Variants in NCAPD3 observed in about 807,000 individuals in gnomAD.
NCAPD3 encodes the protein condensin-2 complex subunit D3.
NCAPD3 carries 105 observed loss-of-function variants against 182.9 expected under a neutral mutation model. The ratio of observed to expected loss-of-function variants is 0.57; its 90% CI spans 0.49 to 0.68. NCAPD3 has a LOEUF of 0.68. Ranked by LOEUF, NCAPD3 falls within the 30% of genes least tolerant of loss-of-function variation. The probability of loss-of-function intolerance (pLI) is 0.00; values close to 1 mark genes in which losing one functional copy is unlikely to be tolerated. For synonymous variants in NCAPD3, 815 were observed against 679.9 expected (o/e 1.20, Z -3.09); for missense variants, 1,944 against 1,837.0 (o/e 1.06, Z -1.07).
In NCAPD3 at chr11:134,181,224, A is replaced by T. The variant is rs201894211; in HGVS notation, c.2452-40T>A. Reference sequence around the variant, plus strand: ...AAGTCATCTCTGAAGGGCCCCGCACATCTCCCAGACTACCCATGAAACACC... The same window carrying T: ...AAGTCATCTCTGAAGGGCCCCGCACTTCTCCCAGACTACCCATGAAACACC... On this transcript the variant is annotated intron_variant, in intron 19 of 34. Transcript: ENST00000534548. The T allele has an allele frequency of 3.8e-5, 52 of 1,354,634 alleles. No homozygotes were observed. The African/African-American group carries it at 7.3e-4, about 19-fold the overall frequency. 83.9% of individuals were successfully genotyped at this position (1,354,634 alleles called of 1,614,324 possible). A position where few individuals can be genotyped will look rare whatever the true frequency, so the allele number is the denominator to read the frequency against.
At chr11:134,184,094 C>G (rs777944937) in intron 19 of NCAPD3, among the ~76,000 whole-genome samples, 1 of 152,300 alleles carries the variant, frequency 6.6e-6, no homozygotes, top group Middle Eastern at 3.4e-3. Flanking sequence ...CTCTCTGCCT[C>G]CCATAAATCA....
chr11:134,222,767 C>T (rs1414799861), intron 1 of NCAPD3, among the ~76,000 whole-genome samples: 2 of 152,120 alleles, frequency 1.3e-5, no homozygotes, highest in African/African-American at 4.8e-5. Context: ...AAAAGTGCCT[C>T]CCAGCAAGCA....
At chr11:134,188,372 C>T (rs183785027) in intron 16 of NCAPD3, among the ~76,000 whole-genome samples, 31 of 152,288 alleles carry the variant, frequency 2.0e-4, no homozygotes, top group Non-Finnish European at 3.4e-4. Flanking sequence ...AGGACATGGG[C>T]GGGGCCAAAT....
At chr11:134,203,063 G>T in intron 12 of NCAPD3, 79 bp downstream of exon 12, 2 of 1,248,332 alleles carry the variant, frequency 1.6e-6, no homozygotes, top group South Asian at 1.3e-5. Flanking sequence ...TAAATAAGGA[G>T]GTAAGAAAAA....
At chr11:134,198,266 G>A (rs1944678602) in intron 13 of NCAPD3, among the ~76,000 whole-genome samples, 1 of 152,156 alleles carries the variant, frequency 6.6e-6, no homozygotes. Flanking sequence ...ATGAACTTTA[G>A]TCTCCACCAC....
chr11:134,202,666 G>A, intron 13 of NCAPD3, 150 bp downstream of exon 13: 1 of 560,022 alleles, frequency 1.8e-6, no homozygotes, highest in South Asian at 3.0e-5. Context: ...TGGGATTACA[G>A]GCATGAGTCA....
chr11:134,153,572 C>G (rs943757333), intron 32 of NCAPD3: 1 of 597,820 alleles, frequency 1.7e-6, no homozygotes. Flanking sequence ...CCTTCTCTGA[C>G]CCGCAGCCCT....
rs1040296540 is a variant in NCAPD3 at position 134,150,735 on chromosome 11, A to T, written c.*2209T>A. The T allele has an allele frequency of 1.3e-5, 2 of 152,070 alleles. No homozygotes were observed. The highest frequency in any genetic ancestry group is 2.9e-5 in the Non-Finnish European group (2 of 68,008). The allele number at this position is 152,070 out of a possible 1,614,324, so 9.4% of individuals were successfully genotyped here. ...GTCTGTCAAGTACAATAACATTTTT[A>T]AAAGAAAATGGATCCCACTGTTCCT... On this transcript the variant is annotated 3_prime_UTR_variant, in exon 35 of 35. Transcript: ENST00000534548.
intron 13 of NCAPD3, among the ~76,000 whole-genome samples, chr11:134,196,156 G>C (rs957197287): frequency 6.6e-6 from 1 of 152,010 alleles, no homozygotes; most frequent in Non-Finnish European, 1.5e-5. Context: ...AGAAAGGAGG[G>C]ACATTACTAC....
intron 3 of NCAPD3, among the ~76,000 whole-genome samples, chr11:134,215,232 G>T (rs1350235555): frequency 6.6e-6 from 1 of 152,118 alleles, no homozygotes; most frequent in Non-Finnish European, 1.5e-5. Context: ...ATACCTAAAG[G>T]CAAGACTGGA....
intron 32 of NCAPD3, among the ~76,000 whole-genome samples, chr11:134,154,649 A>G (rs1943368880): frequency 1.5e-5 from 2 of 136,176 alleles, no homozygotes; most frequent in East Asian, 2.3e-4. Context: ...TACCCAGTGC[A>G]TAAGCTGCCA....
At position 134,152,949 on chromosome 11, in the gene NCAPD3, T is replaced by C; in HGVS notation, c.4492A>G (p.Asn1498Asp). The C allele has an allele frequency of 6.5e-7, 1 of 1,550,158 alleles. No individual in the cohort carries two copies. Among genetic ancestry groups the C allele is most frequent in the South Asian group, 1.3e-5 (1 of 79,344 alleles). The change falls in exon 35 of 35, where the codon AAC (asparagine) becomes GAC (aspartate). Residue 1498 changes from asparagine to aspartate, a missense_variant. Transcript: ENST00000534548. ...ACACTGGTGGGAGGCGCTGTTTAGTTGGCTGTTTTCAGAGGGGTCTTTCGG... is the reference window on the plus strand; with the variant it reads ...ACACTGGTGGGAGGCGCTGTTTAGTCGGCTGTTTTCAGAGGGGTCTTTCGG... The part of the protein sequence containing the change: ...SLRKTPLKTA[N>D]
chr11:134,178,898 C>G lies in NCAPD3; in HGVS notation c.2598G>C (p.Leu866=). Reference sequence around the variant, plus strand: ...TGCGCTTCTCCACCCTGGCTGGACACAGCTGGGCTATATCCCCTAAGGTAA... The same window carrying G: ...TGCGCTTCTCCACCCTGGCTGGACAGAGCTGGGCTATATCCCCTAAGGTAA... The part of the protein sequence containing the change: ...YIFTLGDIAQ[L]CPARVEKRIF... The change falls in exon 21 of 35, where the codon CTG becomes CTC. Residue 866 remains leucine (L), a synonymous_variant. Transcript: ENST00000534548. The G allele has an allele frequency of 6.2e-7, 1 of 1,614,148 alleles. No homozygotes were observed. Among genetic ancestry groups the G allele is most frequent in the Non-Finnish European group, 8.5e-7 (1 of 1,180,012 alleles).
At chr11:134,185,082 A>G (rs1210772015) in intron 17 of NCAPD3, 82 bp from the exon 18 acceptor site, 2 of 1,150,348 alleles carry the variant, frequency 1.7e-6, no homozygotes, top group Non-Finnish European at 2.6e-6. Flanking sequence ...TGGATTAATA[A>G]CACTGGAGGA....
At chr11:134,171,336 A>G (rs192955188) in intron 24 of NCAPD3, among the ~76,000 whole-genome samples, 1 of 152,338 alleles carries the variant, frequency 6.6e-6, no homozygotes, top group African/African-American at 2.4e-5. Flanking sequence ...CTCACTAAGA[A>G]TCGAAATCCA....
At chr11:134,191,489 C>T (rs1944523050) in intron 16 of NCAPD3, among the ~76,000 whole-genome samples, 2 of 151,982 alleles carry the variant, frequency 1.3e-5, no homozygotes, top group South Asian at 4.2e-4. Context: ...TCTAGACATG[C>T]TATACTTCAA....
At chr11:134,218,139 A>G (rs1346334371) in intron 2 of NCAPD3, among the ~76,000 whole-genome samples, 1 of 142,084 alleles carries the variant, frequency 7.0e-6, no homozygotes, top group East Asian at 2.1e-4. Flanking sequence ...TCATCTCCTA[A>G]CTTTACAGTG....
rs1944384646 is a variant in NCAPD3 at position 134,185,474 on chromosome 11, G to T, written c.2098C>A (p.Pro700Thr). The stretch of plus-strand genomic sequence containing the variant: ...GATATTACATTGTTTATAAAAGTGG[G>T]TGAGAATTTTTCTTTCTTGGACCAG... ...HIWSKKEKFS[P>T]TFINNVISHT... The change falls in exon 17 of 35, where the codon CCC becomes ACC. Residue 700 changes from proline (P) to threonine (T), a missense_variant. This residue lies in a region of NCAPD3 where 1,803 missense variants were observed against 1,674.6 expected (regional missense o/e 1.08). Transcript: ENST00000534548. 4 of 1,612,356 alleles carry T rather than the reference G, an allele frequency of 2.5e-6. No individual in the cohort carries two copies. The highest frequency in any genetic ancestry group is 3.4e-6 in the Non-Finnish European group (4 of 1,179,210).
Position 134,168,481 on chromosome 11 carries a change from G to C in NCAPD3, c.3361C>G (p.Leu1121Val). ...ACACTGGGCTTACCCAAAATACTAA[G>C]GCAGATTTTGGAAGTGATGTTGAAT... ...QRFNITSKIC[L>V]SILACFADGI... The change falls in exon 26 of 35, where the codon CTT (leucine) becomes GTT (valine). Residue 1121 changes from leucine (L) to valine (V), a missense_variant. By Grantham distance (32) the Leu-to-Val change is conservative (BLOSUM62 1). Coordinates refer to ENST00000534548, the MANE Select transcript of NCAPD3 (RefSeq NM_015261.3). 6.2e-7 allele frequency: 1 copy of C among 1,614,144 alleles called. No homozygotes were observed. The highest frequency in any genetic ancestry group is 1.3e-5 in the African/African-American group (1 of 75,030).
Sources: allele counts gnomAD v4.1 joint callset (sites outside exome capture counted in the v4.1 genomes callset), GRCh38; gene constraint gnomAD v4.1.1; regional missense constraint gnomAD v4.1.1; transcripts MANE v1.5; gene names NCBI Gene and HGNC (gene_info 2026-07-23, HGNC 2026-07-21).